The following SLC51B variants were observed in gnomAD, a reference collection of about 807,000 sequenced individuals.
SLC51B encodes the protein SLC51 subunit beta, also known as organic solute transporter subunit beta.
Under a neutral mutation model 8.0 loss-of-function variants are expected in SLC51B, and 6 were observed. The observed-to-expected ratio is 0.75, with a 90% CI of 0.41 to 1.48. The LOEUF is 1.48. Ranked by LOEUF, SLC51B falls within the 40% of genes most tolerant of loss-of-function variation. The pLI is 0.01. For missense variants in SLC51B, 150 were observed against 149.7 expected, an observed-to-expected ratio of 1.00 and a Z score of -0.01; for synonymous variants, 61 against 54.8, an observed-to-expected ratio of 1.11 and a Z score of -0.50.
intron 2 of SLC51B, among the ~76,000 whole-genome samples, chr15:65,051,166 G>A (rs1186658950): frequency 2.6e-5 from 4 of 151,744 alleles, no homozygotes; most frequent in Non-Finnish European, 2.9e-5. Flanking sequence ...CTTGTGCTCC[G>A]CAGGTCCAGC....
chr15:65,048,377 A>G (rs1026604121), intron 1 of SLC51B, among the ~76,000 whole-genome samples: 2 of 152,048 alleles, frequency 1.3e-5, no homozygotes, highest in Non-Finnish European at 2.9e-5. Flanking sequence ...TGCTAGAGGA[A>G]ACTCTGATGT....
rs1271193583 is a variant in SLC51B, at chr15:65,045,439, C to G, written c.-252C>G. On this transcript the variant is annotated 5_prime_UTR_variant, in exon 1 of 4. Transcript: ENST00000334287. ...CCGCAGGCTCTCCAGGCACTGTCCC[C>G]TAAGTGACAGCTGTTACTGCCTGGG... The G allele has an allele frequency of 6.6e-6, 1 of 152,272 alleles. No individual in the cohort carries two copies. The highest frequency in any genetic ancestry group is 2.4e-5 in the African/African-American group (1 of 41,458). 9.4% of individuals were successfully genotyped at this position (152,272 alleles called of 1,614,324 possible).
chr15:65,052,082 C>G (rs1307488768), intron 3 of SLC51B, among the ~76,000 whole-genome samples: 5 of 152,148 alleles, frequency 3.3e-5, no homozygotes, highest in Non-Finnish European at 7.3e-5. Flanking sequence ...AGAGGACAGA[C>G]ACATGGGAGT....
At chr15:65,047,120 G>A (rs1417677139) in intron 1 of SLC51B, among the ~76,000 whole-genome samples, 2 of 151,962 alleles carry the variant, frequency 1.3e-5, no homozygotes, top group Non-Finnish European at 2.9e-5. Context: ...ACTTTGGGAG[G>A]CTGAGGTAGG....
intron 1 of SLC51B, among the ~76,000 whole-genome samples, chr15:65,048,040 G>A (rs777725461): frequency 2.0e-5 from 3 of 152,056 alleles, no homozygotes; most frequent in Non-Finnish European, 2.9e-5. Context: ...TTAGCCTGGC[G>A]TGGTGGCATG....
At chr15:65,047,834 T>TAGAG (rs1243174574) in intron 1 of SLC51B, among the ~76,000 whole-genome samples, 1 of 139,338 alleles carries the variant, frequency 7.2e-6, no homozygotes, top group African/African-American at 2.6e-5. Context: ...GATAGATAGA[T>TAGAG]AGAATCTCCC....
In SLC51B at chr15:65,050,057, AGGAGCTGCT is replaced by A; in HGVS notation, c.57_65del (p.Leu20_Glu22del). ...GACCCAGCCGGTACTGTGGTACCCC[AGGAGCTGCT>A]GGAAGAGATGCTTTGGTTTTTTCGT... On this transcript the variant is annotated inframe_deletion, in exon 2 of 4. Transcript: ENST00000334287. 1 of 1,551,878 alleles carries A rather than the reference AGGAGCTGCT, an allele frequency of 6.4e-7. No individual in the cohort carries two copies. The highest frequency in any genetic ancestry group is 8.7e-7 in the Non-Finnish European group (1 of 1,147,044).
intron 3 of SLC51B, among the ~76,000 whole-genome samples, 165 bp from the exon 4 acceptor site, chr15:65,052,801 A>G (rs2086671875): frequency 6.6e-6 from 1 of 152,186 alleles, no homozygotes; most frequent in Admixed American, 6.5e-5. Context: ...CTCAAGGGTA[A>G]GCCATTTCTC....
chr15:65,051,648 T>C (rs532516214), intron 3 of SLC51B, 43 bp downstream of exon 3: 1 of 1,570,648 alleles, frequency 6.4e-7, no homozygotes, highest in Non-Finnish European at 8.8e-7. Context: ...CTCTGTGGGG[T>C]AGAGGCCCTG....
chr15:65,051,390 T>G, intron 2 of SLC51B, 125 bp from the exon 3 acceptor site: 1 of 833,254 alleles, frequency 1.2e-6, no homozygotes, highest in Non-Finnish European at 2.0e-6. Context: ...CCATCTTTGA[T>G]TAGGGTCTCC....
At chr15:65,052,924 C>A in intron 3 of SLC51B, 42 bp from the exon 4 acceptor site, 1 of 1,592,416 alleles carries the variant, frequency 6.3e-7, no homozygotes, top group East Asian at 2.2e-5. Flanking sequence ...CCTGCCCCAA[C>A]CACTCAGCCC....
At chr15:65,046,912 CA>C (rs1156510160) in intron 1 of SLC51B, among the ~76,000 whole-genome samples, 3 of 149,332 alleles carry the variant, frequency 2.0e-5, no homozygotes, top group Admixed American at 6.7e-5. Flanking sequence ...GACTCTGTCT[CA>C]AAAAACAAAA....
chr15:65,049,661 A>G (rs1273333701), intron 1 of SLC51B: 2 of 170,054 alleles, frequency 1.2e-5, no homozygotes, highest in Non-Finnish European at 2.5e-5. Flanking sequence ...AGAACTCGCC[A>G]GTGGCTCAGT....
At chr15:65,050,219 G>A in intron 2 of SLC51B, 118 bp downstream of exon 2, 1 of 796,334 alleles carries the variant, frequency 1.3e-6, no homozygotes, top group Non-Finnish European at 2.0e-6. Flanking sequence ...TTTCCTCCAA[G>A]ACAGGGAATC....
chr15:65,051,573 G>A lies in SLC51B; in HGVS notation c.156G>A (p.Met52Ile). 6 of 1,613,618 alleles carry A rather than the reference G, an allele frequency of 3.7e-6. No individual in the cohort carries two copies. The highest frequency in any genetic ancestry group is 5.1e-6 in the Non-Finnish European group (6 of 1,179,742). ...ALAAVVVIIS[M>I]VLLGRSIQAS... The stretch of plus-strand genomic sequence containing the variant: ...CAGCTGTGGTGGTCATTATAAGCAT[G>A]GTCCTCCTGGGAAGAAGCATCCAGG... Residue 52 changes from methionine (M) to isoleucine (I), a missense_variant, in exon 3 of 4, where the codon ATG becomes ATA. Physicochemically the swap from Met to Ile is conservative, Grantham distance 10. Coordinates refer to ENST00000334287, the MANE Select transcript of SLC51B (RefSeq NM_178859.4).
intron 2 of SLC51B, among the ~76,000 whole-genome samples, chr15:65,051,124 G>GT (rs1289611820): frequency 6.6e-6 from 1 of 152,080 alleles, no homozygotes; most frequent in East Asian, 1.9e-4. Flanking sequence ...GATTATAGGC[G>GT]TGAGCCACTG....
chr15:65,048,230 T>C (rs1355438989), intron 1 of SLC51B, among the ~76,000 whole-genome samples: 1 of 152,062 alleles, frequency 6.6e-6, no homozygotes, highest in Non-Finnish European at 1.5e-5. Context: ...TCTTTTTTTC[T>C]CCCTGACTTC....
Position 65,051,854 on chromosome 15 carries a change from G to A in SLC51B, c.188+249G>A, listed in dbSNP as rs185540905. Among the ~76,000 whole-genome samples, 9 of 152,322 alleles carry A rather than the reference G, an allele frequency of 5.9e-5. No homozygotes were observed. The East Asian group carries it at 1.5e-3, about 26-fold the overall frequency. Reference sequence around the variant, plus strand: ...GACAGGAAGCAGGCATGACCTGGAGGAGTGTAGCCATTCAGAAGGCGAGCT... The same window carrying A: ...GACAGGAAGCAGGCATGACCTGGAGAAGTGTAGCCATTCAGAAGGCGAGCT... On this transcript the variant is annotated intron_variant, in intron 3 of 3. Coordinates refer to ENST00000334287, the MANE Select transcript of SLC51B (RefSeq NM_178859.4).
intron 1 of SLC51B, among the ~76,000 whole-genome samples, chr15:65,047,818 TA>T (rs2086597036): frequency 6.6e-6 from 1 of 151,906 alleles, no homozygotes; most frequent in African/African-American, 2.4e-5. Flanking sequence ...GATAGATAGA[TA>T]GATAGATAGA....
Sources: gnomAD v4.1 joint callset for allele counts (sites outside exome capture counted in the v4.1 genomes callset) on GRCh38, gnomAD v4.1.1 for gene constraint, MANE v1.5 for transcripts, NCBI Gene and HGNC (gene_info 2026-07-23, HGNC 2026-07-21) for gene names.